AGAP1: variants seen among roughly 807,000 people sequenced by gnomAD.
The protein encoded by AGAP1 is ArfGAP with GTPase domain, ankyrin repeat and PH domain 1.
A neutral mutation model predicts 105.3 loss-of-function variants in AGAP1; 29 were observed. The ratio of observed to expected loss-of-function variants is 0.28; its 90% CI spans 0.21 to 0.38. The LOEUF (loss-of-function observed/expected upper bound fraction) is 0.38. AGAP1 is among the 10% of genes least tolerant of loss of function. The pLI, the probability that AGAP1 is intolerant of heterozygous loss-of-function variation, is 1.00. For missense variants in AGAP1, 998 were observed against 1,165.1 expected (o/e 0.86, Z 2.09); for synonymous variants, 509 against 485.9 (o/e 1.05, Z -0.63).
Position 235,958,524 on chromosome 2 carries a change from A to C in AGAP1, c.1484-9938A>C, listed in dbSNP as rs2125300313. 6.6e-6 allele frequency among the ~76,000 whole-genome samples: 1 copy of C among 152,180 alleles called. No individual in the cohort carries two copies. The highest frequency in any genetic ancestry group is 2.1e-4 in the South Asian group (1 of 4,806). On this transcript the variant is annotated intron_variant, in intron 12 of 17. Coordinates refer to ENST00000304032, the MANE Select transcript of AGAP1 (RefSeq NM_001037131.3). This position sits in a 1 kb window ranked among gnomAD's most constrained non-coding sequence, Gnocchi z 4.1. ...CCCGGGATATCAAAAACCTATCAGC[A>C]CACCTGGCGAGGACCCTCACCAAGG...
chr2:235,653,494 T>C (rs1372765423), intron 1 of AGAP1, among the ~76,000 whole-genome samples: 2 of 145,982 alleles, frequency 1.4e-5, no homozygotes, highest in African/African-American at 5.1e-5. Context: ...TAAAATAAAA[T>C]AAAATATAAC....
rs1329864779 is a variant in AGAP1 at position 235,993,872 on chromosome 2, G to A, written c.1645+25249G>A. Among the ~76,000 whole-genome samples, 2 of 152,142 alleles carry A rather than the reference G, an allele frequency of 1.3e-5. No individual in the cohort carries two copies. The highest frequency in any genetic ancestry group is 1.5e-5 in the Non-Finnish European group (1 of 68,038). Reference sequence around the variant, plus strand: ...TTACTTACCCAGCAACATTCAGGACGTCCTGAGACCTCGTCACTTCTGATT... The same window carrying A: ...TTACTTACCCAGCAACATTCAGGACATCCTGAGACCTCGTCACTTCTGATT... On this transcript the variant is annotated intron_variant, in intron 13 of 17. Transcript: ENST00000304032. This position sits in a 1 kb window ranked among gnomAD's most constrained non-coding sequence, Gnocchi z 5.0.
chr2:235,534,002 T>C (rs925253852), intron 1 of AGAP1, among the ~76,000 whole-genome samples: 1 of 152,220 alleles, frequency 6.6e-6, no homozygotes, highest in Non-Finnish European at 1.5e-5. Context: ...GGGAGCCACA[T>C]GGGAAGCCCC....
intron 9 of AGAP1, among the ~76,000 whole-genome samples, chr2:235,860,889 T>C (rs2048901325): frequency 6.6e-6 from 1 of 152,210 alleles, no homozygotes; most frequent in East Asian, 1.9e-4. Context: ...TTAATATTGT[T>C]GATGGGGCCC....
rs1167305048 is a variant in AGAP1 at position 235,848,725 on chromosome 2, C to T, written c.1051-34620C>T. ...CAGATGATTTTCCTCGTCCTTTTAA[C>T]AGAAAGATCAGGTGAGAACACACAG... On this transcript the variant is annotated intron_variant, in intron 9 of 17. Coordinates refer to ENST00000304032, the MANE Select transcript of AGAP1 (RefSeq NM_001037131.3). Among the ~76,000 whole-genome samples, 3 of 152,206 alleles carry T rather than the reference C, an allele frequency of 2.0e-5. No homozygotes were observed. In the East Asian group the frequency reaches 5.8e-4, roughly 29 times the overall value.
Position 235,517,274 on chromosome 2 carries a change from T to C in AGAP1, c.163+22425T>C, listed in dbSNP as rs1038601769. Among the ~76,000 whole-genome samples the C allele has an allele frequency of 6.6e-6, 1 of 152,194 alleles. No individual in the cohort carries two copies. Among genetic ancestry groups the C allele is most frequent in the Non-Finnish European group, 1.5e-5 (1 of 68,042 alleles). ...ACCATGATTGCCTCCTTAAAGACCT[T>C]ATCTCCAGCGACAGTCACCTTGGGG... On this transcript the variant is annotated intron_variant, in intron 1 of 17. Coordinates refer to ENST00000304032, the MANE Select transcript of AGAP1 (RefSeq NM_001037131.3). The surrounding 1 kb of genome is among the most constrained non-coding windows in gnomAD (Gnocchi z 4.1).
intron 11 of AGAP1, among the ~76,000 whole-genome samples, chr2:235,913,086 C>A (rs2051698266): frequency 6.6e-6 from 1 of 152,128 alleles, no homozygotes; most frequent in African/African-American, 2.4e-5. Flanking sequence ...GTCTTCTTTA[C>A]ATAAAAAGGT....
At chr2:235,546,617 A>C (rs966081856) in intron 1 of AGAP1, among the ~76,000 whole-genome samples, 1 of 151,954 alleles carries the variant, frequency 6.6e-6, no homozygotes, top group African/African-American at 2.4e-5. Context: ...TCAGGGTGTG[A>C]GTGTGGGGAC....
chr2:235,610,909 G>T lies in AGAP1; in HGVS notation c.164-98270G>T, dbSNP rs1371373479. ...CCCAGTTTCGTTTCACCTGTCCTCTGCCTGTAATCCTTTTCAGCCCCTCTG... is the reference window on the plus strand; with the variant it reads ...CCCAGTTTCGTTTCACCTGTCCTCTTCCTGTAATCCTTTTCAGCCCCTCTG... On this transcript the variant is annotated intron_variant, in intron 1 of 17. Transcript: ENST00000304032. This position sits in a 1 kb window ranked among gnomAD's most constrained non-coding sequence, Gnocchi z 4.9. Among the ~76,000 whole-genome samples, 1 of 152,028 alleles carries T rather than the reference G, an allele frequency of 6.6e-6. No homozygotes were observed. Among genetic ancestry groups the T allele is most frequent in the Admixed American group, 6.6e-5 (1 of 15,266 alleles).
Position 235,691,568 on chromosome 2 carries a change from G to C in AGAP1, c.164-17611G>C, listed in dbSNP as rs1239070727. 6.6e-6 allele frequency among the ~76,000 whole-genome samples: 1 copy of C among 152,240 alleles called. No individual in the cohort carries two copies. The highest frequency in any genetic ancestry group is 1.5e-5 in the Non-Finnish European group (1 of 68,054). The stretch of plus-strand genomic sequence containing the variant: ...GTTCTAAAACAGTCGGATAGCCGTG[G>C]TCATTTGTGGATGTGAGCACAGCCA... On this transcript the variant is annotated intron_variant, in intron 1 of 17. Transcript: ENST00000304032. The surrounding 1 kb of genome is among the most constrained non-coding windows in gnomAD (Gnocchi z 4.4).
chr2:236,124,228 C>G lies in AGAP1; in HGVS notation c.*106C>G. On this transcript the variant is annotated 3_prime_UTR_variant, in exon 18 of 18. Coordinates refer to ENST00000304032, the MANE Select transcript of AGAP1 (RefSeq NM_001037131.3). The surrounding 1 kb of genome is among the most constrained non-coding windows in gnomAD (Gnocchi z 5.1). The stretch of plus-strand genomic sequence containing the variant: ...AGTCCCGTCGCATCCCCTCCCTCTT[C>G]CTGGTGGCCACCTCCCTCCCGCCCA... 1 of 1,271,658 alleles carries G rather than the reference C, an allele frequency of 7.9e-7. No homozygotes were observed. The highest frequency in any genetic ancestry group is 1.1e-6 in the Non-Finnish European group (1 of 912,756). The allele number at this position is 1,271,658 out of a possible 1,614,324, so 78.8% of individuals were successfully genotyped here.
rs2054629047 is a variant in AGAP1 at position 235,971,246 on chromosome 2, AAAG to A, written c.1645+2624_1645+2626del. ...ACTACAAATGAGTCACTTTTGTGAAAAAGTCTATATTTCATTTTTTCAAAGCCA... is the reference window on the plus strand; with the variant it reads ...ACTACAAATGAGTCACTTTTGTGAAATCTATATTTCATTTTTTCAAAGCCA... On this transcript the variant is annotated intron_variant, in intron 13 of 17. Coordinates refer to ENST00000304032, the MANE Select transcript of AGAP1 (RefSeq NM_001037131.3). This position sits in a 1 kb window ranked among gnomAD's most constrained non-coding sequence, Gnocchi z 4.8. Among the ~76,000 whole-genome samples the A allele has an allele frequency of 6.6e-6, 1 of 152,184 alleles. No individual in the cohort carries two copies. Among genetic ancestry groups the A allele is most frequent in the Non-Finnish European group, 1.5e-5 (1 of 68,032 alleles).
chr2:236,065,372 C>T (rs2058318820), intron 16 of AGAP1, among the ~76,000 whole-genome samples: 1 of 152,346 alleles, frequency 6.6e-6, no homozygotes, highest in South Asian at 2.1e-4. Context: ...CGACTGGATG[C>T]ATTTTATTTC....
intron 1 of AGAP1, among the ~76,000 whole-genome samples, chr2:235,643,539 A>G (rs1347338533): frequency 1.3e-5 from 2 of 151,922 alleles, no homozygotes; most frequent in Non-Finnish European, 2.9e-5. Context: ...GATCATCATA[A>G]TGGCACTGGG....
rs912229908 is a variant in AGAP1 at position 235,792,310 on chromosome 2, C to T, written c.674-5449C>T. Among the ~76,000 whole-genome samples, 8 of 152,168 alleles carry T rather than the reference C, an allele frequency of 5.3e-5. No individual in the cohort carries two copies. The highest frequency in any genetic ancestry group is 1.9e-4 in the African/African-American group (8 of 41,428). On this transcript the variant is annotated intron_variant, in intron 6 of 17. Transcript: ENST00000304032. The surrounding 1 kb of genome is among the most constrained non-coding windows in gnomAD (Gnocchi z 5.3). ...ACCCTTCACGTGTCATCTGGTCCCC[C>T]ACAAAGCTTTTGCATGGGGTTCATC...
chr2:235,801,714 G>A lies in AGAP1; in HGVS notation c.957+2192G>A, dbSNP rs540388600. Among the ~76,000 whole-genome samples the A allele has an allele frequency of 5.6e-4, 85 of 152,228 alleles. No homozygotes were observed. The highest frequency in any genetic ancestry group is 1.4e-3 in the African/African-American group (58 of 41,548). ...GAGAGAAGGTGGGCTGTGGGCAGGC[G>A]GCCTGTGCCCCGGGAGGAGGGGCGG... On this transcript the variant is annotated intron_variant, in intron 8 of 17. Coordinates refer to ENST00000304032, the MANE Select transcript of AGAP1 (RefSeq NM_001037131.3). This position sits in a 1 kb window ranked among gnomAD's most constrained non-coding sequence, Gnocchi z 6.0.
chr2:235,722,407 G>A (rs934687048), intron 3 of AGAP1, among the ~76,000 whole-genome samples: 4 of 146,616 alleles, frequency 2.7e-5, no homozygotes, highest in Admixed American at 1.3e-4. Context: ...GCTGGTATAC[G>A]TAGATGGCTG....
rs1952458596 is a variant in AGAP1, at chr2:235,739,659, G to A, written c.311-1304G>A. On this transcript the variant is annotated intron_variant, in intron 3 of 17. Coordinates refer to ENST00000304032, the MANE Select transcript of AGAP1 (RefSeq NM_001037131.3). This position sits in a 1 kb window ranked among gnomAD's most constrained non-coding sequence, Gnocchi z 5.3. ...TGATGGTGGCATAGGTGTTGAGTGT[G>A]AGCACACGAGCATGGCAGGAGCTCG... 6.6e-6 allele frequency among the ~76,000 whole-genome samples: 1 copy of A among 152,284 alleles called. No individual in the cohort carries two copies. Among genetic ancestry groups the A allele is most frequent in the South Asian group, 2.1e-4 (1 of 4,838 alleles).
chr2:235,533,918 T>C (rs1943125377), intron 1 of AGAP1, among the ~76,000 whole-genome samples: 1 of 152,248 alleles, frequency 6.6e-6, no homozygotes. Context: ...TAAACCATGT[T>C]GATTGTGGCT....
Sources: allele counts gnomAD v4.1 joint callset (sites outside exome capture counted in the v4.1 genomes callset), GRCh38; gene constraint gnomAD v4.1.1; non-coding constraint Gnocchi (gnomAD v3.1); transcripts MANE v1.5; gene names NCBI Gene and HGNC (gene_info 2026-07-23, HGNC 2026-07-21).